Variants in MALRD1 observed in about 807,000 individuals in gnomAD.
MALRD1 encodes MAM and LDL-receptor class A domain-containing protein 1.
MALRD1 carries 247 observed loss-of-function variants against 242.1 expected under a neutral mutation model. The observed-to-expected ratio is 1.02, with a 90% CI of 0.92 to 1.13. MALRD1 has a LOEUF of 1.13. MALRD1 is among the 50% of genes most tolerant of loss of function. The pLI, the probability that MALRD1 is intolerant of heterozygous loss-of-function variation, is 0.00. For missense variants in MALRD1, 2,989 were observed against 2,533.1 expected (o/e 1.18, Z -3.86); for synonymous variants, 995 against 866.6 (o/e 1.15, Z -2.60).
intron 7 of MALRD1, among the ~76,000 whole-genome samples, chr10:19,125,653 G>A (rs879154941): frequency 6.7e-6 from 1 of 149,472 alleles, no homozygotes; most frequent in Non-Finnish European, 1.5e-5. Context: ...TTAATTTTTA[G>A]GGTATATTCT....
intron 18 of MALRD1, among the ~76,000 whole-genome samples, chr10:19,237,513 C>CATATATATATAT (rs34727263): frequency 1.4e-3 from 163 of 113,690 alleles, no homozygotes; most frequent in African/African-American, 5.4e-3. Context: ...TGTGTGTGTC[C>CATATATATATAT]ATATATATAT....
chr10:19,400,030 T>G (rs754229223), intron 28 of MALRD1, among the ~76,000 whole-genome samples: 31 of 152,198 alleles, frequency 2.0e-4, no homozygotes, highest in Non-Finnish European at 4.3e-4. Flanking sequence ...ATACTGAGTT[T>G]CCAGCTCCTT....
chr10:19,704,663 A>C (rs924566055), intron 38 of MALRD1, among the ~76,000 whole-genome samples: 1 of 152,222 alleles, frequency 6.6e-6, no homozygotes, highest in African/African-American at 2.4e-5. Context: ...TCCCTTCCAC[A>C]AACGTTTATT....
At chr10:19,554,367 G>C (rs746321010) in intron 32 of MALRD1, among the ~76,000 whole-genome samples, 4 of 151,932 alleles carry the variant, frequency 2.6e-5, no homozygotes, top group Non-Finnish European at 4.4e-5. Context: ...TGCCAAGCTT[G>C]CTCTTTCTTT....
intron 18 of MALRD1, among the ~76,000 whole-genome samples, chr10:19,214,096 T>C (rs1837195270): frequency 6.6e-6 from 1 of 152,208 alleles, no homozygotes; most frequent in Non-Finnish European, 1.5e-5. Context: ...TACTTAGCTA[T>C]GTACTTTAGG....
At chr10:19,351,929 A>G in intron 25 of MALRD1, 77 bp from the exon 26 acceptor site, 1 of 1,243,214 alleles carries the variant, frequency 8.0e-7, no homozygotes, top group South Asian at 1.6e-5. Flanking sequence ...GAAGAGGGCA[A>G]TGTGATAGAA....
intron 14 of MALRD1, among the ~76,000 whole-genome samples, chr10:19,193,855 T>TATAC (rs1554808217): frequency 6.6e-6 from 1 of 151,386 alleles, no homozygotes; most frequent in South Asian, 2.1e-4. Context: ...TATATATATA[T>TATAC]ACACACACAT....
chr10:19,625,520 G>A lies in MALRD1; in HGVS notation c.6137+9597G>A, dbSNP rs562599349. Among the ~76,000 whole-genome samples, 45 of 152,040 alleles carry A rather than the reference G, an allele frequency of 3.0e-4. 1 individual carries two copies. The South Asian group carries it at 8.5e-3, about 29-fold the overall frequency. On this transcript the variant is annotated intron_variant, in intron 36 of 39. Coordinates refer to ENST00000454679, the MANE Select transcript of MALRD1 (RefSeq NM_001142308.3). Reference sequence around the variant, plus strand: ...ATATCCTGTGTGCAGTGCAGTGTACGAAAAAGGAAAGAGATATGATTCTAA... The same window carrying A: ...ATATCCTGTGTGCAGTGCAGTGTACAAAAAAGGAAAGAGATATGATTCTAA...
At chr10:19,343,764 C>T (rs543570241) in intron 24 of MALRD1, among the ~76,000 whole-genome samples, 3 of 152,220 alleles carry the variant, frequency 2.0e-5, no homozygotes, top group South Asian at 4.2e-4. Context: ...GCGATTGCAT[C>T]GTGTCACACT....
chr10:19,197,667 C>G (rs766579409), intron 14 of MALRD1, among the ~76,000 whole-genome samples: 8 of 152,168 alleles, frequency 5.3e-5, no homozygotes, highest in Non-Finnish European at 1.2e-4. Flanking sequence ...ACCCAGTTGC[C>G]AACTTTTCTA....
chr10:19,242,722 T>C (rs1244639891), intron 18 of MALRD1, among the ~76,000 whole-genome samples: 2 of 152,080 alleles, frequency 1.3e-5, no homozygotes, highest in African/African-American at 4.8e-5. Flanking sequence ...TAAAGCCTTT[T>C]AAAATATGAC....
At chr10:19,117,287 C>T (rs1836904555) in intron 5 of MALRD1, among the ~76,000 whole-genome samples, 1 of 151,978 alleles carries the variant, frequency 6.6e-6, no homozygotes, top group Admixed American at 6.6e-5. Flanking sequence ...ACTCATATAC[C>T]ACTGGTTTTA....
chr10:19,490,808 A>C (rs900108074), intron 29 of MALRD1, among the ~76,000 whole-genome samples: 1 of 152,306 alleles, frequency 6.6e-6, no homozygotes. Context: ...TTTTTATACG[A>C]GGATGAGTAT....
At chr10:19,298,343 T>C (rs1841802809) in intron 21 of MALRD1, among the ~76,000 whole-genome samples, 1 of 151,646 alleles carries the variant, frequency 6.6e-6, no homozygotes, top group Non-Finnish European at 1.5e-5. Flanking sequence ...AAATATCTCC[T>C]GCTTCACCTC....
intron 19 of MALRD1, among the ~76,000 whole-genome samples, chr10:19,272,223 A>C (rs1840282969): frequency 6.6e-6 from 1 of 152,108 alleles, no homozygotes; most frequent in African/African-American, 2.4e-5. Context: ...AGAAACTTTA[A>C]GGCATTAATC....
chr10:19,685,630 G>T (rs1842551711), intron 36 of MALRD1, among the ~76,000 whole-genome samples: 1 of 152,178 alleles, frequency 6.6e-6, no homozygotes, highest in African/African-American at 2.4e-5. Context: ...TGCCATCAAA[G>T]TTATTTTGCT....
intron 35 of MALRD1, among the ~76,000 whole-genome samples, chr10:19,614,639 A>C (rs1839056080): frequency 6.6e-6 from 1 of 152,020 alleles, no homozygotes; most frequent in Admixed American, 6.6e-5. Flanking sequence ...ATCAGGAGCT[A>C]ACTGTGCTAA....
chr10:19,310,378 T>C (rs1842378411), intron 21 of MALRD1, among the ~76,000 whole-genome samples: 1 of 151,514 alleles, frequency 6.6e-6, no homozygotes, highest in Admixed American at 6.6e-5. Context: ...ATTTAAACGC[T>C]GAATTGTGAT....
intron 33 of MALRD1, among the ~76,000 whole-genome samples, chr10:19,587,184 C>T (rs1837473394): frequency 6.6e-6 from 1 of 152,238 alleles, no homozygotes; most frequent in Non-Finnish European, 1.5e-5. Context: ...AATCACCCAT[C>T]TTCTGCGTCA....
Sources: allele counts gnomAD v4.1 joint callset (sites outside exome capture counted in the v4.1 genomes callset), GRCh38; gene constraint gnomAD v4.1.1; transcripts MANE v1.5; gene names NCBI Gene and HGNC (gene_info 2026-07-23, HGNC 2026-07-21).